Variants in DST observed in about 807,000 individuals in gnomAD.
The protein encoded by DST is dystonin, also known as bullous pemphigoid antigen.
DST carries 253 observed loss-of-function variants against 875.2 expected under a neutral mutation model. That is an observed-to-expected ratio of 0.29 (90% CI 0.26 to 0.32). DST has a LOEUF of 0.32. DST is among the 10% of genes least tolerant of loss of function. DST has a pLI of 1.00. For missense variants in DST, 8,287 were observed against 9,111.6 expected, an observed-to-expected ratio of 0.91 and a Z score of 3.68; for synonymous variants, 3,124 against 3,197.1, an observed-to-expected ratio of 0.98 and a Z score of 0.77.
Position 56,618,469 on chromosome 6 carries a change from C to T in DST, c.4930-3985G>A, listed in dbSNP as rs767523875. 2 of 1,614,160 alleles carry T rather than the reference C, an allele frequency of 1.2e-6. No individual in the cohort carries two copies. Among genetic ancestry groups the T allele is most frequent in the Admixed American group, 3.3e-5 (2 of 60,022 alleles). On this transcript the variant is annotated intron_variant, in intron 36 of 103. Transcript: ENST00000680361. ...GGAGCAAAACTAATTGATGTTCATGCTCTTTGATCTGTTGGTCCATTTTTT... is the reference window on the plus strand; with the variant it reads ...GGAGCAAAACTAATTGATGTTCATGTTCTTTGATCTGTTGGTCCATTTTTT...
intron 3 of DST, chr6:56,871,377 T>C: frequency 7.9e-7 from 1 of 1,263,732 alleles, no homozygotes; most frequent in South Asian, 1.2e-5. Flanking sequence ...ATTCCAACGT[T>C]ACAATGCTGG....
chr6:56,896,545 T>C (rs1791384241), intron 3 of DST, among the ~76,000 whole-genome samples: 1 of 152,154 alleles, frequency 6.6e-6, no homozygotes, highest in African/African-American at 2.4e-5. Flanking sequence ...AACAAACTAA[T>C]ACAGTGGCTG....
Position 56,466,124 on chromosome 6 carries a change from T to A in DST, c.22641A>T (p.Gly7547=), listed in dbSNP as rs762215995. Residue 7547 remains glycine, a synonymous_variant, in exon 99 of 104, where the codon GGA becomes GGT. Transcript: ENST00000680361. ...RSTVMVRVGG[G]WMALDEFLVK... ...CTAAGAACTCATCAAGTGCCATCCA[T>A]CCACCTCCAACACGAACCATCACAG... is the stretch of plus-strand genomic sequence containing the variant. 1 of 1,613,450 alleles carries A rather than the reference T, an allele frequency of 6.2e-7. No individual in the cohort carries two copies. The highest frequency in any genetic ancestry group is 8.5e-7 in the Non-Finnish European group (1 of 1,179,720).
chr6:56,489,844 A>G (rs1275018318), intron 85 of DST, among the ~76,000 whole-genome samples: 2 of 152,178 alleles, frequency 1.3e-5, no homozygotes, highest in Non-Finnish European at 2.9e-5. Flanking sequence ...TTCATTCAAC[A>G]TATCAGCTCT....
chr6:56,514,399 C>T (rs2096547087), intron 72 of DST, among the ~76,000 whole-genome samples: 1 of 152,112 alleles, frequency 6.6e-6, no homozygotes, highest in Admixed American at 6.6e-5. Flanking sequence ...GTCTCTAAAA[C>T]TCTCTTTTAA....
chr6:56,862,128 G>C (rs1327402728), intron 3 of DST, among the ~76,000 whole-genome samples: 1 of 152,102 alleles, frequency 6.6e-6, no homozygotes, highest in African/African-American at 2.4e-5. Flanking sequence ...AATTCAGAAA[G>C]AAAGCTCTGC....
Position 56,603,619 on chromosome 6 carries a change from T to C in DST, c.10886A>G (p.Gln3629Arg). ...TTCCAAGTTGTTATCCAGAGATTCC[T>C]GGTTGTCTAAGGGGGGTTTCATATC... is the stretch of plus-strand genomic sequence containing the variant. ...LQDMKPPLDNQESLDNNLEAL... is the reference protein window; with the variant it reads ...LQDMKPPLDNRESLDNNLEAL... The change falls in exon 41 of 104, where the codon CAG becomes CGG. Residue 3629 changes from glutamine to arginine, a missense_variant. This residue lies in a region of DST where 3,138 missense variants were observed against 3,116.6 expected (regional missense o/e 1.01). Transcript: ENST00000680361. 1 of 1,611,240 alleles carries C rather than the reference T, an allele frequency of 6.2e-7. No homozygotes were observed. Among genetic ancestry groups the C allele is most frequent in the South Asian group, 1.1e-5 (1 of 90,964 alleles).
chr6:56,653,663 C>A (rs2152802014), intron 10 of DST, among the ~76,000 whole-genome samples: 1 of 152,194 alleles, frequency 6.6e-6, no homozygotes, highest in South Asian at 2.1e-4. Flanking sequence ...CCAGCCTGGA[C>A]AACAAGAGCG....
chr6:56,517,444 A>G (rs189604716), intron 70 of DST, 57 bp downstream of exon 70: 461 of 1,600,312 alleles, frequency 2.9e-4, no homozygotes, highest in Non-Finnish European at 3.7e-4. Flanking sequence ...CACATTTTAT[A>G]GAGTTGGAGC....
chr6:56,799,062 T>C (rs1022520236), intron 4 of DST, among the ~76,000 whole-genome samples: 1 of 152,218 alleles, frequency 6.6e-6, no homozygotes, highest in Non-Finnish European at 1.5e-5. Context: ...CTACTCCTGG[T>C]GAAGACACTG....
rs757678275 is a variant in DST at position 56,553,648 on chromosome 6, A to T, written c.15144T>A (p.His5048Gln). 9 of 1,609,592 alleles carry T rather than the reference A, an allele frequency of 5.6e-6. No homozygotes were observed. Among genetic ancestry groups the T allele is most frequent in the Non-Finnish European group, 6.8e-6 (8 of 1,178,818 alleles). ...FKDVEQKAEN[H>Q]VQHLQSACAS... Reference sequence around the variant, plus strand: ...CACAGGCCGACTGAAGGTGCTGGACATGATTCTCTAGAAATAAAATTACAA... The same window carrying T: ...CACAGGCCGACTGAAGGTGCTGGACTTGATTCTCTAGAAATAAAATTACAA... The change falls in exon 61 of 104, where the codon CAT (histidine) becomes CAA (glutamine). Residue 5048 changes from histidine (H) to glutamine (Q), a missense_variant. Physicochemically the swap from His to Gln is conservative, Grantham distance 24. This residue lies in a region of DST where 1,513 missense variants were observed against 1,677.8 expected (regional missense o/e 0.90). Transcript: ENST00000680361.
chr6:56,557,828 T>C (rs73746915), intron 58 of DST, among the ~76,000 whole-genome samples: 2,812 of 151,574 alleles, frequency 0.019, 79 homozygotes, highest in African/African-American at 0.065. Flanking sequence ...GAGTGTGTTA[T>C]TAAACTATGA....
intron 2 of DST, among the ~76,000 whole-genome samples, chr6:56,947,352 A>T (rs1486300525): frequency 6.6e-6 from 1 of 151,558 alleles, no homozygotes; most frequent in African/African-American, 2.4e-5. Flanking sequence ...CCAGGTTCAA[A>T]CGATTCTTCT....
At chr6:56,619,203 A>T (rs2098661922) in intron 36 of DST, 3 of 1,613,988 alleles carry the variant, frequency 1.9e-6, no homozygotes, top group Non-Finnish European at 2.5e-6. Flanking sequence ...AGTGCTTCAC[A>T]TCTTTGCTGG....
At chr6:56,642,555 C>T in intron 15 of DST, 52 bp from the exon 16 acceptor site, 1 of 1,605,860 alleles carries the variant, frequency 6.2e-7, no homozygotes, top group Middle Eastern at 1.7e-4. Context: ...AGTCAAAGAG[C>T]TCACCATTCC....
At chr6:56,627,540 C>G (rs1335803551) in intron 33 of DST, among the ~76,000 whole-genome samples, 1 of 152,144 alleles carries the variant, frequency 6.6e-6, no homozygotes, top group African/African-American at 2.4e-5. Context: ...AGACTTGATG[C>G]CCTTGGCCAC....
At chr6:56,727,125 A>G (rs867012932) in intron 5 of DST, among the ~76,000 whole-genome samples, 2 of 152,208 alleles carry the variant, frequency 1.3e-5, no homozygotes. Flanking sequence ...AGATAAATGC[A>G]TATCTCATTG....
In DST at chr6:56,611,578, A is replaced by T. The variant is rs763799764; in HGVS notation, c.5077T>A (p.Ser1693Thr). ...TCCGATAATTGTTCCTTCTTGGTTG[A>T]TATTTCCTCACTGGAAATCTGTAAG... ...SKQKISSEEI[S>T]TKKEQLSEAL... is the part of the protein sequence containing the mutation. The change falls in exon 38 of 104, where the codon TCA becomes ACA. Residue 1693 changes from serine to threonine, a missense_variant. Physicochemically the swap from Ser to Thr is moderately conservative, Grantham distance 58. Coordinates refer to ENST00000680361, the MANE Select transcript of DST (RefSeq NM_001374736.1). 1 of 1,612,464 alleles carries T rather than the reference A, an allele frequency of 6.2e-7. No individual in the cohort carries two copies. The highest frequency in any genetic ancestry group is 1.1e-5 in the South Asian group (1 of 90,858).
intron 55 of DST, among the ~76,000 whole-genome samples, chr6:56,566,786 T>G (rs1007900519): frequency 6.6e-6 from 1 of 152,200 alleles, no homozygotes; most frequent in African/African-American, 2.4e-5. Flanking sequence ...ACTTAAAGAT[T>G]GAAAATTGTC....
Sources: allele counts gnomAD v4.1 joint callset (sites outside exome capture counted in the v4.1 genomes callset), GRCh38; gene constraint gnomAD v4.1.1; regional missense constraint gnomAD v4.1.1; transcripts MANE v1.5; gene names NCBI Gene and HGNC (gene_info 2026-07-23, HGNC 2026-07-21).